Variants in CDH4 observed in about 807,000 individuals in gnomAD.
CDH4 encodes the protein cadherin-4.
CDH4 carries 33 observed loss-of-function variants against 86.0 expected under a neutral mutation model. The observed-to-expected ratio is 0.38, with a 90% CI of 0.29 to 0.51. CDH4 has a LOEUF of 0.51. Among genes scored for constraint, CDH4 ranks in the 20% least tolerant of loss-of-function variants. The probability of loss-of-function intolerance (pLI) is 0.86; values close to 1 mark genes in which losing one functional copy is unlikely to be tolerated. For missense variants in CDH4, 1,114 were observed against 1,307.4 expected, an observed-to-expected ratio of 0.85 and a Z score of 2.28; for synonymous variants, 555 against 549.4, an observed-to-expected ratio of 1.01 and a Z score of -0.14.
intron 2 of CDH4, among the ~76,000 whole-genome samples, chr20:61,673,906 C>G (rs2087417348): frequency 6.6e-6 from 1 of 152,228 alleles, no homozygotes; most frequent in South Asian, 2.1e-4. Context: ...AAAGTCCTTG[C>G]ATTTGCATCC....
intron 2 of CDH4, among the ~76,000 whole-genome samples, chr20:61,654,471 T>A (rs1279423501): frequency 6.6e-6 from 1 of 152,188 alleles, no homozygotes; most frequent in Admixed American, 6.5e-5. Context: ...CAAGACTTTT[T>A]AAGAAACTTT....
chr20:61,639,114 G>A lies in CDH4; in HGVS notation c.170-104449G>A, dbSNP rs766546643. Among the ~76,000 whole-genome samples, 6 of 152,226 alleles carry A rather than the reference G, an allele frequency of 3.9e-5. No homozygotes were observed. In the East Asian group the frequency reaches 7.7e-4, roughly 20 times the overall value. ...AAAGGGGCAGCACCAGCCTGTGTGC[G>A]GGATAAACGACGTCCCACAGTATCT... On this transcript the variant is annotated intron_variant, in intron 2 of 15. Transcript: ENST00000614565.
chr20:61,578,382 T>C (rs1447350266), intron 2 of CDH4, among the ~76,000 whole-genome samples: 1 of 152,352 alleles, frequency 6.6e-6, no homozygotes, highest in East Asian at 1.9e-4. Flanking sequence ...TAGCATTCTG[T>C]GATTTCACTG....
chr20:61,454,344 G>A (rs1436008760), intron 2 of CDH4, among the ~76,000 whole-genome samples: 1 of 152,220 alleles, frequency 6.6e-6, no homozygotes, highest in Non-Finnish European at 1.5e-5. Flanking sequence ...CACCTGGGGG[G>A]AAGGTTGTGA....
chr20:61,297,369 A>G (rs1438109823), intron 2 of CDH4, among the ~76,000 whole-genome samples: 2 of 152,250 alleles, frequency 1.3e-5, no homozygotes, highest in African/African-American at 4.8e-5. Context: ...AGCCTGGACG[A>G]CAAGAGCGAA....
At chr20:61,827,581 A>T (rs1981382138) in intron 4 of CDH4, among the ~76,000 whole-genome samples, 2 of 152,242 alleles carry the variant, frequency 1.3e-5, no homozygotes, top group Admixed American at 1.3e-4. Flanking sequence ...ACTTTTTTAA[A>T]AAATGTATTT....
chr20:61,915,206 T>TGGA (rs1463306195), intron 9 of CDH4, among the ~76,000 whole-genome samples: 1 of 152,246 alleles, frequency 6.6e-6, no homozygotes, highest in Non-Finnish European at 1.5e-5. Flanking sequence ...AGCCATCTGT[T>TGGA]AACCGTCCAG....
intron 2 of CDH4, among the ~76,000 whole-genome samples, chr20:61,595,936 A>G (rs889500355): frequency 6.6e-6 from 1 of 152,224 alleles, no homozygotes; most frequent in Non-Finnish European, 1.5e-5. Flanking sequence ...CATAAAGTCA[A>G]TCTCCCTGGG....
chr20:61,879,090 G>A lies in CDH4; in HGVS notation c.1050+5190G>A, dbSNP rs867349934. Among the ~76,000 whole-genome samples, 9 of 152,344 alleles carry A rather than the reference G, an allele frequency of 5.9e-5. No homozygotes were observed. Among genetic ancestry groups the A allele is most frequent in the South Asian group, 2.1e-4 (1 of 4,826 alleles). On this transcript the variant is annotated intron_variant, in intron 7 of 15. Coordinates refer to ENST00000614565, the MANE Select transcript of CDH4 (RefSeq NM_001794.5). This position sits in a 1 kb window ranked among gnomAD's most constrained non-coding sequence, Gnocchi z 4.1. ...TTAAGACAACGGCTCCAGGACCACCGTTGCCAGGCATTAGTAAACCCACGC... is the reference window on the plus strand; with the variant it reads ...TTAAGACAACGGCTCCAGGACCACCATTGCCAGGCATTAGTAAACCCACGC...
chr20:61,697,313 C>T (rs777739052), intron 2 of CDH4, among the ~76,000 whole-genome samples: 1 of 152,152 alleles, frequency 6.6e-6, no homozygotes, highest in Non-Finnish European at 1.5e-5. Context: ...AGAAATAAGA[C>T]AGAAGGCCGG....
At chr20:61,801,146 T>C (rs1238761531) in intron 4 of CDH4, among the ~76,000 whole-genome samples, 4 of 152,196 alleles carry the variant, frequency 2.6e-5, no homozygotes, top group South Asian at 2.1e-4. Flanking sequence ...CTGCCTCCCG[T>C]TGGGAGGTGT....
rs545586489 is a variant in CDH4, at chr20:61,287,825, G to A, written c.169+32888G>A. On this transcript the variant is annotated intron_variant, in intron 2 of 15. Coordinates refer to ENST00000614565, the MANE Select transcript of CDH4 (RefSeq NM_001794.5). Reference sequence around the variant, plus strand: ...AGCATCCATTGTGGGAATAAGAGGCGTGCAGGGACCAGCCTCCTGGGGTTG... The same window carrying A: ...AGCATCCATTGTGGGAATAAGAGGCATGCAGGGACCAGCCTCCTGGGGTTG... 9.2e-5 allele frequency among the ~76,000 whole-genome samples: 14 copies of A among 152,312 alleles called. No individual in the cohort carries two copies. In the East Asian group the frequency reaches 2.3e-3, roughly 25 times the overall value.
chr20:61,618,172 C>CTGGGTGGCTGAAGGCAACAAAGGCA (rs2086741060), intron 2 of CDH4, among the ~76,000 whole-genome samples: 1 of 152,070 alleles, frequency 6.6e-6, no homozygotes, highest in African/African-American at 2.4e-5. Context: ...CTGGCCTCGG[C>CTGGGTGGCTGAAGGCAACAAAGGCA]TGGGTGGCTG....
chr20:61,775,474 A>T (rs1332523813), intron 4 of CDH4, among the ~76,000 whole-genome samples: 1 of 152,192 alleles, frequency 6.6e-6, no homozygotes, highest in Non-Finnish European at 1.5e-5. Context: ...TATTCTAGGC[A>T]TTGTGACCAT....
chr20:61,285,009 C>T (rs867204983), intron 2 of CDH4, among the ~76,000 whole-genome samples: 2 of 152,170 alleles, frequency 1.3e-5, no homozygotes, highest in African/African-American at 4.8e-5. Context: ...GGACACAGCC[C>T]CTTGCTGCTG....
intron 2 of CDH4, among the ~76,000 whole-genome samples, chr20:61,461,527 T>C (rs2038037159): frequency 6.6e-6 from 1 of 152,104 alleles, no homozygotes; most frequent in East Asian, 1.9e-4. Flanking sequence ...ATGAGTGGGT[T>C]CAAGCAAGGG....
intron 2 of CDH4, among the ~76,000 whole-genome samples, chr20:61,524,348 C>T (rs965735239): frequency 1.3e-5 from 2 of 152,214 alleles, no homozygotes; most frequent in African/African-American, 4.8e-5. Flanking sequence ...TGGACACCTG[C>T]ATTCGTGCGA....
chr20:61,430,298 G>C (rs548693658), intron 2 of CDH4, among the ~76,000 whole-genome samples: 2 of 152,336 alleles, frequency 1.3e-5, no homozygotes, highest in South Asian at 4.1e-4. Flanking sequence ...CGCTTGCAGA[G>C]AAGGGGGCGA....
intron 2 of CDH4, among the ~76,000 whole-genome samples, chr20:61,263,230 T>C (rs1017723386): frequency 6.6e-6 from 1 of 152,222 alleles, no homozygotes; most frequent in Non-Finnish European, 1.5e-5. Flanking sequence ...CCTTGGTTTT[T>C]CGTCAAAAGG....
Sources: gnomAD v4.1 joint callset for allele counts (sites outside exome capture counted in the v4.1 genomes callset) on GRCh38, gnomAD v4.1.1 for gene constraint, Gnocchi (gnomAD v3.1) non-coding constraint, MANE v1.5 for transcripts, NCBI Gene and HGNC (gene_info 2026-07-23, HGNC 2026-07-21) for gene names.